The following SFXN2 variants were observed in gnomAD, a reference collection of about 807,000 sequenced individuals.
The protein encoded by SFXN2 is sideroflexin-2.
Under a neutral mutation model 41.9 loss-of-function variants are expected in SFXN2, and 37 were observed. The ratio of observed to expected loss-of-function variants is 0.88; its 90% CI spans 0.68 to 1.16. The LOEUF (loss-of-function observed/expected upper bound fraction) is 1.16. SFXN2 is among the 50% of genes most tolerant of loss of function. The pLI is 0.00. For missense variants in SFXN2, 386 were observed against 425.2 expected (o/e 0.91, Z 0.81); for synonymous variants, 150 against 156.7 (o/e 0.96, Z 0.32).
intron 7 of SFXN2, 105 bp downstream of exon 7, chr10:102,731,888 T>C: frequency 9.6e-7 from 1 of 1,044,948 alleles, no homozygotes; most frequent in Non-Finnish European, 1.4e-6. Context: ...GAGAAGCCTT[T>C]TCTGGCTCCA....
At chr10:102,729,908 T>C in intron 6 of SFXN2, 100 bp downstream of exon 6, 1 of 1,305,886 alleles carries the variant, frequency 7.7e-7, no homozygotes, top group South Asian at 1.2e-5. Flanking sequence ...GCGGTGGGCA[T>C]GGGGAGGGCT....
chr10:102,728,382 C>T (rs778243730), intron 3 of SFXN2, 49 bp from the exon 4 acceptor site: 28 of 1,482,460 alleles, frequency 1.9e-5, no homozygotes, highest in Non-Finnish European at 2.5e-5. Context: ...CCTCAGGACT[C>T]CCTGCCATCT....
At chr10:102,725,632 C>T (rs1236978116) in intron 1 of SFXN2, among the ~76,000 whole-genome samples, 1 of 152,132 alleles carries the variant, frequency 6.6e-6, no homozygotes, top group East Asian at 1.9e-4. Flanking sequence ...GCAGCTCACA[C>T]CTGTAATCCC....
intron 1 of SFXN2, among the ~76,000 whole-genome samples, chr10:102,726,191 C>G (rs1236380174): frequency 6.6e-6 from 1 of 152,090 alleles, no homozygotes; most frequent in Admixed American, 6.6e-5. Context: ...CTCATGATCC[C>G]CCTGCCTCGG....
chr10:102,729,395 G>GT lies in SFXN2; in HGVS notation c.507+2dup. 6.2e-7 allele frequency: 1 copy of GT among 1,614,092 alleles called. No individual in the cohort carries two copies. Among genetic ancestry groups the GT allele is most frequent in the Non-Finnish European group, 8.5e-7 (1 of 1,180,010 alleles). ...TGTGGGCATGAACATGTTGACAAAG[G>GT]TATGGTCTGGGGCCGCTGCAGCATG... On this transcript the variant is annotated splice_donor_variant, in intron 5 of 11. Coordinates refer to ENST00000369893, the MANE Select transcript of SFXN2 (RefSeq NM_178858.6). LOFTEE classifies it high-confidence loss of function.
At chr10:102,730,538 C>T (rs896934933) in intron 6 of SFXN2, among the ~76,000 whole-genome samples, 1 of 152,214 alleles carries the variant, frequency 6.6e-6, no homozygotes, top group East Asian at 1.9e-4. Flanking sequence ...TAGTTGTGCA[C>T]ACATGCTGCT....
chr10:102,733,673 C>A, intron 10 of SFXN2, 70 bp downstream of exon 10: 1 of 1,333,384 alleles, frequency 7.5e-7, no homozygotes, highest in Non-Finnish European at 1.1e-6. Context: ...TCTTGTCTAG[C>A]CCGTGTTGGA....
chr10:102,733,631 T>C (rs935881359), intron 10 of SFXN2, 28 bp downstream of exon 10: 1 of 1,606,182 alleles, frequency 6.2e-7, no homozygotes, highest in Admixed American at 1.7e-5. Context: ...ATGATTTGGG[T>C]TCTGCGTGGC....
chr10:102,722,808 C>G (rs1369966064), intron 1 of SFXN2, among the ~76,000 whole-genome samples: 1 of 152,080 alleles, frequency 6.6e-6, no homozygotes, highest in East Asian at 1.9e-4. Context: ...CTTGGCCTGC[C>G]AAAGTGCTGG....
intron 8 of SFXN2, 133 bp downstream of exon 8, chr10:102,732,351 G>T (rs2064717191): frequency 1.4e-6 from 1 of 715,558 alleles, no homozygotes; most frequent in Non-Finnish European, 2.3e-6. Flanking sequence ...TTGCTTGATT[G>T]CTGTAAGCCT....
chr10:102,718,122 G>A (rs1041301712), intron 1 of SFXN2, among the ~76,000 whole-genome samples: 4 of 152,192 alleles, frequency 2.6e-5, no homozygotes, highest in Non-Finnish European at 5.9e-5. Context: ...TTTAAGACAG[G>A]GACTCTGCAG....
At chr10:102,728,623 G>A in intron 4 of SFXN2, 94 bp downstream of exon 4, 2 of 1,050,754 alleles carry the variant, frequency 1.9e-6, no homozygotes, top group Non-Finnish European at 2.9e-6. Context: ...GGTAGCACCT[G>A]CACTGAGCAG....
chr10:102,716,352 C>G (rs1021951551), intron 1 of SFXN2: 1 of 151,706 alleles, frequency 6.6e-6, no homozygotes, highest in African/African-American at 2.4e-5. Context: ...GATGATGTTT[C>G]GTTTTTCTCC....
intron 7 of SFXN2, 23 bp downstream of exon 7, chr10:102,731,806 G>C (rs1448011087): frequency 6.2e-7 from 1 of 1,608,178 alleles, no homozygotes; most frequent in Admixed American, 1.7e-5. Flanking sequence ...CTCCCTTTGG[G>C]GTGGGAGGAG....
At position 102,734,981 on chromosome 10, in the gene SFXN2, C is replaced by T. The variant is rs566335701; in HGVS notation, c.822-881C>T. 9.5e-4 allele frequency among the ~76,000 whole-genome samples: 145 copies of T among 152,224 alleles called. No homozygotes were observed. Among genetic ancestry groups the T allele is most frequent in the Non-Finnish European group, 1.9e-3 (130 of 68,006 alleles). On this transcript the variant is annotated intron_variant, in intron 10 of 11. Coordinates refer to ENST00000369893, the MANE Select transcript of SFXN2 (RefSeq NM_178858.6). This position sits in a 1 kb window ranked among gnomAD's most constrained non-coding sequence, Gnocchi z 4.1. ...TGCACAGTGAAGCTGGAGAAACTGC[C>T]TTTCACTGTGCTCTGACAGCCCAGG...
chr10:102,732,235 C>A lies in SFXN2; in HGVS notation c.721+17C>A. ...CTGGGATGAGTAAGATGGGGAAGCC[C>A]TTCCATCCTGGGGAAGCCTGTGACA... On this transcript the variant is annotated intron_variant, in intron 8 of 11. Transcript: ENST00000369893. 1 of 1,611,978 alleles carries A rather than the reference C, an allele frequency of 6.2e-7. No individual in the cohort carries two copies. Among genetic ancestry groups the A allele is most frequent in the Admixed American group, 1.7e-5 (1 of 59,806 alleles).
At chr10:102,731,264 CAA>C (rs368931070) in intron 6 of SFXN2, among the ~76,000 whole-genome samples, 366 of 85,158 alleles carry the variant, frequency 4.3e-3, no homozygotes, top group African/African-American at 0.014. Context: ...GCGATTGTCT[CAA>C]AAAAAAAAAA....
chr10:102,718,435 A>G (rs2064450373), intron 1 of SFXN2, among the ~76,000 whole-genome samples: 1 of 152,256 alleles, frequency 6.6e-6, no homozygotes, highest in Non-Finnish European at 1.5e-5. Context: ...AGCATGGGAA[A>G]GTGAACTCTT....
At chr10:102,716,404 G>T (rs908126622) in intron 1 of SFXN2, 1 of 151,688 alleles carries the variant, frequency 6.6e-6, no homozygotes, top group Non-Finnish European at 1.5e-5. Context: ...ACTTCTGCTT[G>T]TAAGAGGATA....
Sources: gnomAD v4.1 joint callset for allele counts (sites outside exome capture counted in the v4.1 genomes callset) on GRCh38, gnomAD v4.1.1 for gene constraint, Gnocchi (gnomAD v3.1) non-coding constraint, MANE v1.5 for transcripts, NCBI Gene and HGNC (gene_info 2026-07-23, HGNC 2026-07-21) for gene names.